DNAH9: variants seen among roughly 807,000 people sequenced by gnomAD.
DNAH9 encodes dynein axonemal heavy chain 9.
In DNAH9, 345 loss-of-function variants were observed where a neutral mutation model predicts 471.6. That is an observed-to-expected ratio of 0.73 (90% CI 0.67 to 0.80). DNAH9 has a LOEUF of 0.80. DNAH9 is among the 30% of genes least tolerant of loss of function. DNAH9 has a pLI of 0.00. For missense variants in DNAH9, 5,407 were observed against 5,609.2 expected (o/e 0.96, Z 1.15); for synonymous variants, 2,093 against 2,123.6 (o/e 0.99, Z 0.40).
chr17:11,725,244 A>G (rs1244843666), intron 27 of DNAH9, among the ~76,000 whole-genome samples: 1 of 152,180 alleles, frequency 6.6e-6, no homozygotes, highest in Non-Finnish European at 1.5e-5. Context: ...ACACAAACAC[A>G]ACGCCTGGAA....
chr17:11,942,919 A>G (rs1974982450), intron 67 of DNAH9, among the ~76,000 whole-genome samples: 1 of 138,730 alleles, frequency 7.2e-6, no homozygotes, highest in Non-Finnish European at 1.5e-5. Context: ...TTTTTGAGAC[A>G]GAGTCTTGCT....
At chr17:11,608,382 CA>C in intron 2 of DNAH9, 57 bp downstream of exon 2, 1 of 1,346,638 alleles carries the variant, frequency 7.4e-7, no homozygotes, top group South Asian at 1.3e-5. Context: ...TGCTGGTTAT[CA>C]GAATGTTTTC....
At position 11,728,070 on chromosome 17, in the gene DNAH9, G is replaced by A. The variant is rs1489202651; in HGVS notation, c.5814+148G>A. 1.1e-5 allele frequency: 7 copies of A among 616,118 alleles called. No homozygotes were observed. In the East Asian group the frequency reaches 2.0e-4, roughly 17 times the overall value. The allele number at this position is 616,118 out of a possible 1,614,324, so 38.2% of individuals were successfully genotyped here. A position where few individuals can be genotyped will look rare whatever the true frequency, so the allele number is the denominator to read the frequency against. On this transcript the variant is annotated intron_variant, in intron 28 of 68. Transcript: ENST00000262442. Reference sequence around the variant, plus strand: ...CCCTTTCTCCATCCTCTAAAATCAGGCTCCAGGGAAGCTGTCCTCCAAAAT... The same window carrying A: ...CCCTTTCTCCATCCTCTAAAATCAGACTCCAGGGAAGCTGTCCTCCAAAAT...
Position 11,747,608 on chromosome 17 carries a change from G to A in DNAH9, c.6452G>A (p.Gly2151Asp). 1.2e-6 allele frequency: 2 copies of A among 1,614,126 alleles called. No homozygotes were observed. The highest frequency in any genetic ancestry group is 1.7e-6 in the Non-Finnish European group (2 of 1,180,038). Residue 2151 changes from glycine to aspartate, a missense_variant, in exon 32 of 69, where the codon GGT becomes GAT. Gly to Asp is a moderately conservative substitution (Grantham distance 94, BLOSUM62 -1). Coordinates refer to ENST00000262442, the MANE Select transcript of DNAH9 (RefSeq NM_001372.4). ...LAVRHSVFVV[G>D]GAGTGKSQVL... The stretch of plus-strand genomic sequence containing the variant: ...GTGCGGCACTCTGTATTTGTGGTGG[G>A]TGGCGCTGGTACCGGCAAGTCACAG...
intron 26 of DNAH9, among the ~76,000 whole-genome samples, chr17:11,712,898 TA>T (rs113893171): frequency 0.091 from 13,405 of 147,794 alleles, 1,932 homozygotes; most frequent in African/African-American, 0.31. Flanking sequence ...ATGAGTTATT[TA>T]AAAAAAAAAA....
At chr17:11,689,461 TA>T in intron 19 of DNAH9, 104 bp from the exon 20 acceptor site, 2 of 990,028 alleles carry the variant, frequency 2.0e-6, no homozygotes, top group Non-Finnish European at 3.0e-6. Flanking sequence ...TGCTCTTTCC[TA>T]AAACACCAAG....
intron 1 of DNAH9, among the ~76,000 whole-genome samples, chr17:11,607,502 T>G (rs1344053205): frequency 1.3e-5 from 2 of 152,180 alleles, no homozygotes; most frequent in African/African-American, 4.8e-5. Flanking sequence ...GGCAGGGAAC[T>G]GAAGTCTGCT....
rs113033959 is a variant in DNAH9 at position 11,764,709 on chromosome 17, T to TAA, written c.7170+1105_7170+1106dup. On this transcript the variant is annotated intron_variant, in intron 36 of 68. Transcript: ENST00000262442. Reference sequence around the variant, plus strand: ...GCAAATGGAAAGATTTCCTTTTTCTTAAAAAAAAAAATTGCGAAGAGGGAA... The same window carrying TAA: ...GCAAATGGAAAGATTTCCTTTTTCTTAAAAAAAAAAAAATTGCGAAGAGGGAA... Among the ~76,000 whole-genome samples, 1,399 of 148,808 alleles carry TAA rather than the reference T, an allele frequency of 9.4e-3. 9 individuals carry two copies. The highest frequency in any genetic ancestry group is 0.012 in the Non-Finnish European group (772 of 66,998).
intron 68 of DNAH9, among the ~76,000 whole-genome samples, chr17:11,967,153 C>T (rs12945874): frequency 0.24 from 35,895 of 151,178 alleles, 5,089 homozygotes; most frequent in Middle Eastern, 0.35. Flanking sequence ...GCCACCCAGG[C>T]GGGAGTGCAG....
chr17:11,712,105 AAT>A (rs1376272543), intron 26 of DNAH9, among the ~76,000 whole-genome samples: 1 of 105,084 alleles, frequency 9.5e-6, no homozygotes, highest in African/African-American at 3.5e-5. Flanking sequence ...TTTATATATA[AAT>A]ATATATATTT....
At chr17:11,653,473 C>T (rs1253004445) in intron 14 of DNAH9, among the ~76,000 whole-genome samples, 1 of 152,186 alleles carries the variant, frequency 6.6e-6, no homozygotes, top group African/African-American at 2.4e-5. Context: ...TGCTACACTT[C>T]ATGCTGTAAA....
chr17:11,926,578 G>T (rs1316320414), intron 62 of DNAH9, among the ~76,000 whole-genome samples: 2 of 152,274 alleles, frequency 1.3e-5, no homozygotes, highest in East Asian at 1.9e-4. Flanking sequence ...CCCTGCAAAG[G>T]ACATGATCTC....
chr17:11,797,518 C>T (rs1021973745), intron 42 of DNAH9, 79 bp from the exon 43 acceptor site: 1 of 1,210,512 alleles, frequency 8.3e-7, no homozygotes, highest in South Asian at 1.5e-5. Context: ...ATGTGCAGAG[C>T]AAATCAGGTG....
At position 11,619,773 on chromosome 17, in the gene DNAH9, G is replaced by A. The variant is rs373879903; in HGVS notation, c.1342G>A (p.Val448Met). ...GGATGGCTTCCTGGGACAACTGCACGTGGTGGAGGTGAGTGCGCACCTCAC... is the reference window on the plus strand; with the variant it reads ...GGATGGCTTCCTGGGACAACTGCACATGGTGGAGGTGAGTGCGCACCTCAC... ...RLDGFLGQLH[V>M]VEGLLKTALD... The change falls in exon 6 of 69, where the codon GTG (valine) becomes ATG (methionine). Residue 448 changes from valine (V) to methionine (M), a missense_variant. This residue lies in a region of DNAH9 where 767 missense variants were observed against 692.5 expected (regional missense o/e 1.11). Coordinates refer to ENST00000262442, the MANE Select transcript of DNAH9 (RefSeq NM_001372.4). 53 of 1,598,500 alleles carry A rather than the reference G, an allele frequency of 3.3e-5. No homozygotes were observed. The highest frequency in any genetic ancestry group is 3.3e-4 in the Middle Eastern group (2 of 6,032).
chr17:11,906,552 G>A (rs1006068501), intron 61 of DNAH9, among the ~76,000 whole-genome samples: 1 of 151,514 alleles, frequency 6.6e-6, no homozygotes, highest in African/African-American at 2.4e-5. Context: ...GCTGGAACCT[G>A]GGAGGCAGAG....
At chr17:11,847,853 G>A (rs943435878) in intron 49 of DNAH9, among the ~76,000 whole-genome samples, 3 of 152,092 alleles carry the variant, frequency 2.0e-5, no homozygotes, top group African/African-American at 7.2e-5. Flanking sequence ...GCCATGCTGA[G>A]TATCAGAAGG....
At chr17:11,920,092 A>G (rs1229143226) in intron 61 of DNAH9, among the ~76,000 whole-genome samples, 1 of 149,220 alleles carries the variant, frequency 6.7e-6, no homozygotes, top group Admixed American at 6.7e-5. Flanking sequence ...TGGAGTGTGC[A>G]ATGGCACAAT....
chr17:11,664,824 C>A lies in DNAH9; in HGVS notation c.2596-9C>A. On this transcript the variant is annotated splice_polypyrimidine_tract_variant and intron_variant, in intron 14 of 68. Transcript: ENST00000262442. ...ACGAGGTTTATATCCTTTCTTCTTC[C>A]TTTTATAGGAAAACCTGGGTCTATT... 1.2e-6 allele frequency: 2 copies of A among 1,610,300 alleles called. No individual in the cohort carries two copies. Among genetic ancestry groups the A allele is most frequent in the Middle Eastern group, 3.3e-4 (2 of 6,060 alleles).
At chr17:11,857,667 C>T (rs1001336914) in intron 50 of DNAH9, among the ~76,000 whole-genome samples, 1 of 152,150 alleles carries the variant, frequency 6.6e-6, no homozygotes, top group African/African-American at 2.4e-5. Flanking sequence ...TTTGTTCCTG[C>T]CCAAATCGCA....
Sources: allele counts gnomAD v4.1 joint callset (sites outside exome capture counted in the v4.1 genomes callset), GRCh38; gene constraint gnomAD v4.1.1; regional missense constraint gnomAD v4.1.1; transcripts MANE v1.5; gene names NCBI Gene and HGNC (gene_info 2026-07-23, HGNC 2026-07-21).